Variants in DMD observed in about 807,000 individuals in gnomAD.
DMD encodes mutant dystrophin.
A neutral mutation model predicts 330.1 loss-of-function variants in DMD; 63 were observed. The ratio of observed to expected loss-of-function variants is 0.19; its 90% confidence interval spans 0.16 to 0.24. DMD has a LOEUF of 0.24. Among genes scored for constraint, DMD ranks in the 10% least tolerant of loss-of-function variants. DMD has a pLI of 1.00. For missense variants in DMD, 3,344 were observed against 2,684.1 expected (o/e 1.25, Z -5.43); for synonymous variants, 1,223 against 959.8 (o/e 1.27, Z -5.07).
chrX:31,417,279 T>C (rs917569447), intron 60 of DMD, among the ~76,000 whole-genome samples: 2 of 111,403 alleles, frequency 1.8e-5, no homozygotes, highest in African/African-American at 6.5e-5. Flanking sequence ...TTCTTTTTTC[T>C]TTTCTTTTTT....
At chrX:32,249,669 G>T (rs997049160) in intron 43 of DMD, among the ~76,000 whole-genome samples, 1 of 111,896 alleles carries the variant, frequency 8.9e-6, no homozygotes, top group African/African-American at 3.2e-5. Context: ...GCTCTTAACT[G>T]TGTCTGAGAC....
intron 55 of DMD, among the ~76,000 whole-genome samples, chrX:31,508,704 T>C (rs2071191923): frequency 8.9e-6 from 1 of 111,944 alleles, no homozygotes; most frequent in Non-Finnish European, 1.9e-5. Context: ...TAGAGATTTG[T>C]ATGCTTCTGT....
chrX:32,096,162 T>C (rs1484786119), intron 44 of DMD, among the ~76,000 whole-genome samples: 1 of 112,029 alleles, frequency 8.9e-6, no homozygotes. Flanking sequence ...TTCCATTAAA[T>C]ATTTCACATG....
At chrX:33,044,614 A>G (rs1428384002) in intron 1 of DMD, among the ~76,000 whole-genome samples, 1 of 112,136 alleles carries the variant, frequency 8.9e-6, no homozygotes, top group Non-Finnish European at 1.9e-5. Flanking sequence ...GAATATGGGG[A>G]CAAAAATAAG....
At chrX:32,710,847 G>A (rs975670792) in intron 7 of DMD, among the ~76,000 whole-genome samples, 4 of 110,625 alleles carry the variant, frequency 3.6e-5, no homozygotes, top group African/African-American at 9.8e-5. Flanking sequence ...ATGAGTCAGC[G>A]GTGGGTAGGA....
chrX:32,909,470 C>T (rs1601857960), intron 2 of DMD, among the ~76,000 whole-genome samples: 1 of 111,483 alleles, frequency 9.0e-6, no homozygotes, highest in Non-Finnish European at 1.9e-5. Flanking sequence ...ATCCTTCTGC[C>T]TTCTTAAGTA....
intron 60 of DMD, among the ~76,000 whole-genome samples, chrX:31,410,546 T>A (rs1404403694): frequency 9.0e-6 from 1 of 110,894 alleles, no homozygotes; most frequent in African/African-American, 3.3e-5. Flanking sequence ...TGGGTAAGAA[T>A]TTCCATGAAT....
chrX:31,566,669 C>A (rs2075481536), intron 55 of DMD, among the ~76,000 whole-genome samples: 1 of 111,444 alleles, frequency 9.0e-6, no homozygotes, highest in Non-Finnish European at 1.9e-5. Context: ...CTAAATTAAA[C>A]CTTTAGATTG....
chrX:33,258,993 C>T (rs1225223955), intron 1 of DMD, among the ~76,000 whole-genome samples: 1 of 110,824 alleles, frequency 9.0e-6, no homozygotes, highest in Non-Finnish European at 1.9e-5. Context: ...TAAATATATG[C>T]AGAATGGGAA....
intron 49 of DMD, among the ~76,000 whole-genome samples, chrX:31,826,780 A>G (rs2092904235): frequency 8.9e-6 from 1 of 112,359 alleles, no homozygotes; most frequent in Non-Finnish European, 1.9e-5. Context: ...ATCAAGTCCT[A>G]TTCTTGACTA....
At chrX:31,238,782 T>C (rs1228378997) in intron 63 of DMD, among the ~76,000 whole-genome samples, 4 of 111,649 alleles carry the variant, frequency 3.6e-5, no homozygotes, top group Admixed American at 9.5e-5. Flanking sequence ...TGGGCAGTAG[T>C]ACCCTCAGAA....
At chrX:32,847,808 T>C (rs1434528178) in intron 3 of DMD, among the ~76,000 whole-genome samples, 1 of 112,542 alleles carries the variant, frequency 8.9e-6, no homozygotes, top group Non-Finnish European at 1.9e-5. Flanking sequence ...ATGCTATTAC[T>C]AATTAGGTTC....
intron 43 of DMD, among the ~76,000 whole-genome samples, chrX:32,244,191 ATGAG>A (rs1569552816): frequency 1.0e-5 from 1 of 97,761 alleles, no homozygotes; most frequent in Non-Finnish European, 2.0e-5. Context: ...CACCCCACCT[ATGAG>A]TGAGAATATG....
chrX:32,250,227 G>C (rs1384416455), intron 43 of DMD, among the ~76,000 whole-genome samples: 1 of 110,210 alleles, frequency 9.1e-6, no homozygotes, highest in African/African-American at 3.3e-5. Flanking sequence ...ATTGGAAATG[G>C]GTTTTTCAAC....
intron 1 of DMD, among the ~76,000 whole-genome samples, chrX:33,195,751 T>TGTGTGTGG (rs1176430849): frequency 1.2e-5 from 1 of 83,034 alleles, no homozygotes; most frequent in Non-Finnish European, 2.2e-5. Flanking sequence ...TGTGTGTGTG[T>TGTGTGTGG]GTGTGTGTGT....
At position 31,300,589 on chromosome X, in the gene DMD, T is replaced by C. The variant is rs763364010; in HGVS notation, c.9224+23009A>G. 4.5e-5 allele frequency among the ~76,000 whole-genome samples: 5 copies of C among 111,609 alleles called. No individual in the cohort carries two copies. In the South Asian group the frequency reaches 1.9e-3, roughly 43 times the overall value. The stretch of plus-strand genomic sequence containing the variant: ...AGTATCTTCGTATTTAGGTTTAAAC[T>C]TGCATTGCTCAAGAAAAGGTAGGAT... On this transcript the variant is annotated intron_variant, in intron 62 of 78. Transcript: ENST00000357033.
At chrX:31,899,672 T>C (rs1444200933) in intron 47 of DMD, among the ~76,000 whole-genome samples, 1 of 111,140 alleles carries the variant, frequency 9.0e-6, no homozygotes, top group Non-Finnish European at 1.9e-5. Context: ...ATACAGCGAT[T>C]ATTTATTTTC....
At chrX:32,140,080 C>T (rs2096745167) in intron 44 of DMD, among the ~76,000 whole-genome samples, 1 of 111,906 alleles carries the variant, frequency 8.9e-6, no homozygotes, top group Non-Finnish European at 1.9e-5. Context: ...TTGTTTACAT[C>T]CTACTTCCAT....
At chrX:32,745,912 AAGAC>A (rs2069939361) in intron 7 of DMD, among the ~76,000 whole-genome samples, 1 of 112,303 alleles carries the variant, frequency 8.9e-6, no homozygotes, top group South Asian at 3.7e-4. Context: ...TTTCAGGAAA[AAGAC>A]AGCGAACAGC....
Sources: allele counts gnomAD v4.1 joint callset (sites outside exome capture counted in the v4.1 genomes callset), GRCh38; gene constraint gnomAD v4.1.1; transcripts MANE v1.5; gene names NCBI Gene and HGNC (gene_info 2026-07-23, HGNC 2026-07-21).